Variants in CTNNA2 observed in about 807,000 individuals in gnomAD.
CTNNA2 encodes catenin alpha-2.
Under a neutral mutation model 101.0 loss-of-function variants are expected in CTNNA2, and 42 were observed. The ratio of observed to expected loss-of-function variants is 0.42; its 90% CI spans 0.32 to 0.54. CTNNA2 has a LOEUF of 0.54. Among genes scored for constraint, CTNNA2 ranks in the 20% least tolerant of loss-of-function variants. The probability of loss-of-function intolerance (pLI) is 0.14; values close to 1 mark genes in which losing one functional copy is unlikely to be tolerated. For missense variants in CTNNA2, 871 were observed against 1,223.1 expected, an observed-to-expected ratio of 0.71 and a Z score of 4.29; for synonymous variants, 450 against 456.4, an observed-to-expected ratio of 0.99 and a Z score of 0.18.
chr2:80,446,978 C>T (rs1238276874), intron 9 of CTNNA2, among the ~76,000 whole-genome samples: 1 of 152,024 alleles, frequency 6.6e-6, no homozygotes, highest in Non-Finnish European at 1.5e-5. Context: ...TCTTAACGTG[C>T]ACTCCAAACT....
chr2:80,310,972 C>CAA (rs3040535), intron 7 of CTNNA2, among the ~76,000 whole-genome samples: 2,699 of 96,348 alleles, frequency 0.028, 80 homozygotes, highest in African/African-American at 0.072. Flanking sequence ...GACTCCATCT[C>CAA]AAAAAAAAAA....
rs116202367 is a variant in CTNNA2, at chr2:80,022,491, T to G, written c.1056+112694T>G. 4.6e-3 allele frequency among the ~76,000 whole-genome samples: 693 copies of G among 152,226 alleles called. 8 individuals carry two copies. Among genetic ancestry groups the G allele is most frequent in the African/African-American group, 0.016 (656 of 41,548 alleles). On this transcript the variant is annotated intron_variant, in intron 7 of 18. Coordinates refer to ENST00000402739, the MANE Select transcript of CTNNA2 (RefSeq NM_001282597.3). ...GAGAATGAACTATTCAGGGGCCAGG[T>G]GTGGTGGTTCACCCTTATAATCCTG...
chr2:80,080,165 C>A (rs930935282), intron 7 of CTNNA2, among the ~76,000 whole-genome samples: 9 of 151,996 alleles, frequency 5.9e-5, no homozygotes, highest in African/African-American at 2.2e-4. Flanking sequence ...GTGGCTGGTA[C>A]AAACCAAATA....
At chr2:79,943,258 C>T (rs1688283048) in intron 7 of CTNNA2, among the ~76,000 whole-genome samples, 1 of 150,550 alleles carries the variant, frequency 6.6e-6, no homozygotes. Flanking sequence ...CATAAAACAA[C>T]TTTGCAGAAG....
At chr2:79,462,877 G>A (rs918223669) in intron 4 of CTNNA2, among the ~76,000 whole-genome samples, 6 of 152,184 alleles carry the variant, frequency 3.9e-5, no homozygotes, top group Admixed American at 1.3e-4. Flanking sequence ...TGGTTGGAAA[G>A]TTCACTGTAT....
chr2:79,654,156 A>G lies in CTNNA2; in HGVS notation c.102+2498A>G, dbSNP rs1424727554. ...GTTCAAGGAGATCTATAATTTTTGTATTATGCTTCTCAAAATTCTTCCAGC... is the reference window on the plus strand; with the variant it reads ...GTTCAAGGAGATCTATAATTTTTGTGTTATGCTTCTCAAAATTCTTCCAGC... On this transcript the variant is annotated intron_variant, in intron 2 of 18. Coordinates refer to ENST00000402739, the MANE Select transcript of CTNNA2 (RefSeq NM_001282597.3). Among the ~76,000 whole-genome samples the G allele has an allele frequency of 3.3e-5, 5 of 152,258 alleles. No homozygotes were observed. In the South Asian group the frequency reaches 8.3e-4, roughly 25 times the overall value.
At chr2:80,329,348 G>A (rs1242901439) in intron 7 of CTNNA2, among the ~76,000 whole-genome samples, 1 of 152,208 alleles carries the variant, frequency 6.6e-6, no homozygotes, top group African/African-American at 2.4e-5. Context: ...CTCATATTAT[G>A]TAGAAGTAAA....
intron 4 of CTNNA2, among the ~76,000 whole-genome samples, chr2:79,380,801 A>C (rs922067605): frequency 6.6e-6 from 1 of 152,308 alleles, no homozygotes; most frequent in Non-Finnish European, 1.5e-5. Flanking sequence ...TTTTCCTGAA[A>C]ATTACATTGC....
At chr2:79,605,460 T>A (rs1677823087) in intron 1 of CTNNA2, among the ~76,000 whole-genome samples, 1 of 151,570 alleles carries the variant, frequency 6.6e-6, no homozygotes, top group East Asian at 1.9e-4. Context: ...AAACTGAGCA[T>A]AAGAAACATA....
intron 4 of CTNNA2, among the ~76,000 whole-genome samples, chr2:79,393,897 C>A (rs1037786991): frequency 2.0e-5 from 3 of 152,234 alleles, no homozygotes; most frequent in African/African-American, 7.2e-5. Context: ...GACTCTCAGG[C>A]GCCACCTTCC....
At chr2:79,188,409 G>A (rs950835691) in intron 1 of CTNNA2, among the ~76,000 whole-genome samples, 4 of 152,156 alleles carry the variant, frequency 2.6e-5, no homozygotes, top group Admixed American at 2.0e-4. Flanking sequence ...GGTAGGAAGA[G>A]GCAGAAGTGT....
chr2:79,323,420 T>C (rs1201496630), intron 3 of CTNNA2, among the ~76,000 whole-genome samples: 1 of 152,108 alleles, frequency 6.6e-6, no homozygotes, highest in East Asian at 1.9e-4. Flanking sequence ...ATGAAGCTGG[T>C]AATAAGAGCT....
At chr2:80,553,802 C>T (rs1201643787) in intron 11 of CTNNA2, among the ~76,000 whole-genome samples, 2 of 152,128 alleles carry the variant, frequency 1.3e-5, no homozygotes, top group Non-Finnish European at 2.9e-5. Flanking sequence ...CAAAGTTTTA[C>T]ATTTAGAATT....
At position 80,596,279 on chromosome 2, in the gene CTNNA2, G is replaced by GTTTTTTTT. The variant is rs60132060; in HGVS notation, c.2189+6835_2189+6842dup. 6.7e-3 allele frequency among the ~76,000 whole-genome samples: 235 copies of GTTTTTTTT among 35,316 alleles called. 85 individuals carry two copies. Among genetic ancestry groups the GTTTTTTTT allele is most frequent in the Non-Finnish European group, 8.7e-3 (162 of 18,614 alleles). The allele number at this position is 35,316 out of a possible 152,430, so 23.2% of individuals were successfully genotyped here. ...AGTTTTTTTGGGCTGAGACAAGGTTGTTTTTTTTTTTTTTTTTTTTTTTTT... is the reference window on the plus strand; with the variant it reads ...AGTTTTTTTGGGCTGAGACAAGGTTGTTTTTTTTTTTTTTTTTTTTTTTTTTTTTTTTT... On this transcript the variant is annotated intron_variant, in intron 15 of 18. Transcript: ENST00000402739.
chr2:79,334,434 G>C (rs1676946937), intron 3 of CTNNA2, among the ~76,000 whole-genome samples: 1 of 152,102 alleles, frequency 6.6e-6, no homozygotes, highest in Non-Finnish European at 1.5e-5. Context: ...ACCTGGACAG[G>C]TGACACAATG....
At chr2:80,201,768 T>C (rs1707230057) in intron 7 of CTNNA2, among the ~76,000 whole-genome samples, 2 of 152,196 alleles carry the variant, frequency 1.3e-5, no homozygotes, top group Admixed American at 1.3e-4. Context: ...GTAGTTAATG[T>C]ATATTCCTTT....
intron 2 of CTNNA2, among the ~76,000 whole-genome samples, chr2:79,267,381 A>G (rs1675000169): frequency 6.6e-6 from 1 of 152,118 alleles, no homozygotes. Context: ...CCTTTGCACC[A>G]TATTCTCACA....
At chr2:79,604,779 C>T (rs1475711742) in intron 1 of CTNNA2, among the ~76,000 whole-genome samples, 1 of 152,186 alleles carries the variant, frequency 6.6e-6, no homozygotes, top group East Asian at 1.9e-4. Flanking sequence ...GGATGAGACT[C>T]TTACCTTAGT....
intron 15 of CTNNA2, among the ~76,000 whole-genome samples, chr2:80,598,249 C>T (rs1697158861): frequency 6.6e-6 from 1 of 151,972 alleles, no homozygotes; most frequent in African/African-American, 2.4e-5. Flanking sequence ...AGGAGTTGAA[C>T]AATGAAAACA....
Sources: gnomAD v4.1 joint callset for allele counts (sites outside exome capture counted in the v4.1 genomes callset) on GRCh38, gnomAD v4.1.1 for gene constraint, MANE v1.5 for transcripts, NCBI Gene and HGNC (gene_info 2026-07-23, HGNC 2026-07-21) for gene names.